CADM1: variants seen among roughly 807,000 people sequenced by gnomAD.
CADM1 encodes the protein TSLC-1.
A neutral mutation model predicts 53.1 loss-of-function variants in CADM1; 15 were observed. The observed-to-expected ratio is 0.28, with a 90% CI of 0.19 to 0.44. The LOEUF (loss-of-function observed/expected upper bound fraction) is 0.44. Ranked by LOEUF, CADM1 falls within the 20% of genes least tolerant of loss-of-function variation. The pLI, the probability that CADM1 is intolerant of heterozygous loss-of-function variation, is 1.00. For synonymous variants in CADM1, 281 were observed against 243.0 expected (o/e 1.16, Z -1.45); for missense variants, 434 against 611.3 (o/e 0.71, Z 3.06).
chr11:115,475,006 A>T (rs1326224687), intron 1 of CADM1, among the ~76,000 whole-genome samples: 2 of 152,188 alleles, frequency 1.3e-5, no homozygotes, highest in African/African-American at 4.8e-5. Context: ...GTCACTCTAG[A>T]AAATAGTTTG....
At chr11:115,409,945 G>A (rs1455567367) in intron 1 of CADM1, among the ~76,000 whole-genome samples, 3 of 152,168 alleles carry the variant, frequency 2.0e-5, no homozygotes, top group South Asian at 2.1e-4. Flanking sequence ...AATGCTTTCA[G>A]AACAGACAAC....
In CADM1 at chr11:115,504,294, G is replaced by A. The variant is rs1477163963; in HGVS notation, c.101C>T (p.Ser34Phe). 1 of 1,567,828 alleles carries A rather than the reference G, an allele frequency of 6.4e-7. No individual in the cohort carries two copies. The highest frequency in any genetic ancestry group is 8.6e-7 in the Non-Finnish European group (1 of 1,157,078). The stretch of plus-strand genomic sequence containing the variant: ...ACCTGTGGGGATCAGTGCCGCGGCG[G>A]AGAAGAGCAACAGCAGAAGCCGGAG... ...LRLRLLLLLF[S>F]AAALIPTGDG... is the part of the protein sequence containing the mutation. The change falls in exon 1 of 12, where the codon TCC becomes TTC. Residue 34 changes from serine (S) to phenylalanine (F), a missense_variant. By Grantham distance (155) the Ser-to-Phe change is radical (BLOSUM62 -2). This residue lies in a region of CADM1 where 76 missense variants were observed against 59.8 expected (regional missense o/e 1.27). Transcript: ENST00000331581.
intron 1 of CADM1, among the ~76,000 whole-genome samples, chr11:115,373,136 G>A (rs1426730327): frequency 1.3e-5 from 2 of 152,198 alleles, no homozygotes; most frequent in African/African-American, 4.8e-5. Context: ...CCTTAGTTGT[G>A]AGGTTCACCT....
chr11:115,355,183 A>G (rs1945832813), intron 1 of CADM1, among the ~76,000 whole-genome samples: 1 of 152,218 alleles, frequency 6.6e-6, no homozygotes, highest in Non-Finnish European at 1.5e-5. Context: ...GTTATTCACA[A>G]TAATAGCAAA....
chr11:115,457,132 G>C (rs1174787409), intron 1 of CADM1, among the ~76,000 whole-genome samples: 1 of 152,136 alleles, frequency 6.6e-6, no homozygotes, highest in East Asian at 1.9e-4. Context: ...AACCCTAAGA[G>C]GTGGCTTACA....
Position 115,487,571 on chromosome 11 carries a change from A to G in CADM1, c.124+16700T>C, listed in dbSNP as rs554557605. The stretch of plus-strand genomic sequence containing the variant: ...TAAAAAAGGTGAAAAAAAATCTGCT[A>G]CTATCTTAGTCTGAAATTCTAACTT... On this transcript the variant is annotated intron_variant, in intron 1 of 11. Coordinates refer to ENST00000331581, the MANE Select transcript of CADM1 (RefSeq NM_001301043.2). Among the ~76,000 whole-genome samples the G allele has an allele frequency of 2.6e-5, 4 of 152,322 alleles. No homozygotes were observed. In the East Asian group the frequency reaches 5.8e-4, roughly 22 times the overall value.
chr11:115,382,954 T>C (rs999816767), intron 1 of CADM1, among the ~76,000 whole-genome samples: 2 of 152,182 alleles, frequency 1.3e-5, no homozygotes, highest in African/African-American at 4.8e-5. Context: ...AAAAGGACTT[T>C]ACATGTATTC....
At chr11:115,179,165 A>T (rs1939190293) in intron 10 of CADM1, 2 of 306,354 alleles carry the variant, frequency 6.5e-6, no homozygotes, top group Admixed American at 8.0e-5. Context: ...TTTAGGCAAC[A>T]GAAGGGTACA....
intron 1 of CADM1, among the ~76,000 whole-genome samples, chr11:115,340,637 TATA>T (rs1945406636): frequency 2.9e-5 from 1 of 34,294 alleles, no homozygotes; most frequent in African/African-American, 1.1e-4. Context: ...TATATATATA[TATA>T]TATATATATA....
intron 1 of CADM1, among the ~76,000 whole-genome samples, chr11:115,336,823 C>T (rs1945279541): frequency 6.6e-6 from 1 of 152,068 alleles, no homozygotes; most frequent in South Asian, 2.1e-4. Flanking sequence ...TTTTACATGG[C>T]ATCTCAAGAT....
chr11:115,366,336 T>C (rs188120437), intron 1 of CADM1, among the ~76,000 whole-genome samples: 101 of 152,344 alleles, frequency 6.6e-4, no homozygotes, highest in African/African-American at 2.3e-3. Context: ...CTGGCTAAGA[T>C]TCTGACATGC....
intron 1 of CADM1, among the ~76,000 whole-genome samples, chr11:115,292,571 G>C (rs1158661490): frequency 6.6e-6 from 1 of 152,184 alleles, no homozygotes; most frequent in African/African-American, 2.4e-5. Context: ...AAAATTCAGA[G>C]ATGACAAAGT....
intron 10 of CADM1, among the ~76,000 whole-genome samples, chr11:115,187,543 T>G (rs1305772488): frequency 6.6e-6 from 1 of 152,186 alleles, no homozygotes; most frequent in East Asian, 1.9e-4. Flanking sequence ...TTCTCCTCAG[T>G]CAACCCCTGC....
chr11:115,419,762 T>C lies in CADM1; in HGVS notation c.124+84509A>G, dbSNP rs140169375. 2.0e-3 allele frequency among the ~76,000 whole-genome samples: 298 copies of C among 152,164 alleles called. 1 individual carries two copies. Among genetic ancestry groups the C allele is most frequent in the African/African-American group, 6.8e-3 (282 of 41,524 alleles). On this transcript the variant is annotated intron_variant, in intron 1 of 11. Coordinates refer to ENST00000331581, the MANE Select transcript of CADM1 (RefSeq NM_001301043.2). ...ACAGAATGGACCTTAAATGGGAAAA[T>C]CCAGAGTTGGGAACAGATGCTAAAA... is the stretch of plus-strand genomic sequence containing the variant.
intron 1 of CADM1, among the ~76,000 whole-genome samples, chr11:115,305,308 T>C (rs1314173030): frequency 6.6e-6 from 1 of 152,018 alleles, no homozygotes; most frequent in Non-Finnish European, 1.5e-5. Context: ...CAGACAAGTA[T>C]CTGATTATAT....
At chr11:115,460,743 G>C (rs555889870) in intron 1 of CADM1, among the ~76,000 whole-genome samples, 9 of 151,462 alleles carry the variant, frequency 5.9e-5, no homozygotes, top group Non-Finnish European at 1.2e-4. Context: ...GGTCACTGGA[G>C]GTAAAAGTAA....
chr11:115,398,455 G>C (rs898149860), intron 1 of CADM1, among the ~76,000 whole-genome samples: 3 of 152,100 alleles, frequency 2.0e-5, no homozygotes, highest in African/African-American at 4.8e-5. Context: ...TCTGACTTGT[G>C]TCTCTCCAAC....
intron 5 of CADM1, among the ~76,000 whole-genome samples, chr11:115,226,221 T>C (rs1941602722): frequency 6.6e-6 from 1 of 152,200 alleles, no homozygotes; most frequent in East Asian, 1.9e-4. Context: ...TATTTTTACA[T>C]AGGCCCTGGT....
intron 1 of CADM1, among the ~76,000 whole-genome samples, chr11:115,317,871 C>T (rs1252717855): frequency 6.6e-6 from 1 of 152,128 alleles, no homozygotes; most frequent in African/African-American, 2.4e-5. Context: ...ATGAAAATGG[C>T]ATAAGGCCAA....
Sources: gnomAD v4.1 joint callset for allele counts (sites outside exome capture counted in the v4.1 genomes callset) on GRCh38, gnomAD v4.1.1 for gene constraint, gnomAD v4.1.1 regional missense constraint, MANE v1.5 for transcripts, NCBI Gene and HGNC (gene_info 2026-07-23, HGNC 2026-07-21) for gene names.